The following TACC1 variants were observed in gnomAD, a reference collection of about 807,000 sequenced individuals.
TACC1 encodes the protein transforming acidic coiled-coil containing protein 1.
TACC1 carries 48 observed loss-of-function variants against 84.4 expected under a neutral mutation model. The ratio of observed to expected loss-of-function variants is 0.57; its 90% confidence interval spans 0.45 to 0.72. The LOEUF is 0.72. TACC1 is among the 30% of genes least tolerant of loss of function. The pLI, the probability that TACC1 is intolerant of heterozygous loss-of-function variation, is 0.00. For synonymous variants in TACC1, 372 were observed against 376.3 expected (o/e 0.99, Z 0.13); for missense variants, 920 against 973.0 (o/e 0.95, Z 0.72).
At chr8:38,780,040 A>C (rs1815618568) in intron 3 of TACC1, among the ~76,000 whole-genome samples, 1 of 152,190 alleles carries the variant, frequency 6.6e-6, no homozygotes, top group African/African-American at 2.4e-5. Flanking sequence ...TTTGCCTTTT[A>C]ACTTGAAGGC....
chr8:38,795,620 G>T (rs745990915), intron 2 of TACC1, among the ~76,000 whole-genome samples: 2 of 152,170 alleles, frequency 1.3e-5, no homozygotes, highest in African/African-American at 4.8e-5. Context: ...AAATCTTGGA[G>T]GGTATAAACC....
intron 3 of TACC1, among the ~76,000 whole-genome samples, chr8:38,756,235 T>C (rs1242505066): frequency 6.6e-6 from 1 of 151,888 alleles, no homozygotes; most frequent in Non-Finnish European, 1.5e-5. Context: ...CCATCACCAA[T>C]TGTGAGCGCC....
chr8:38,742,541 C>G, intron 2 of TACC1: 1 of 960,050 alleles, frequency 1.0e-6, no homozygotes, highest in East Asian at 2.7e-5. Context: ...GATATGTAAT[C>G]TTTGTATTTG....
At chr8:38,734,961 A>G (rs1243121036) in intron 1 of TACC1, among the ~76,000 whole-genome samples, 4 of 152,264 alleles carry the variant, frequency 2.6e-5, no homozygotes, top group Admixed American at 6.5e-5. Context: ...GTGTGTCTGC[A>G]TACCACGTGA....
Position 38,851,950 on chromosome 8 carries a change from T to G in TACC1, c.*3927T>G, listed in dbSNP as rs928054109. The stretch of plus-strand genomic sequence containing the variant: ...AAAAAGGTTTGACTGGCCTCCAGAT[T>G]CCAGTTATTTTTAAAAAGCAACTTA... On this transcript the variant is annotated 3_prime_UTR_variant, in exon 13 of 13. Coordinates refer to ENST00000317827, the MANE Select transcript of TACC1 (RefSeq NM_006283.3). The G allele has an allele frequency of 2.2e-6, 1 of 456,102 alleles. No individual in the cohort carries two copies. Among genetic ancestry groups the G allele is most frequent in the Non-Finnish European group, 4.4e-6 (1 of 226,922 alleles). 28.3% of individuals were successfully genotyped at this position (456,102 alleles called of 1,614,324 possible).
intron 1 of TACC1, among the ~76,000 whole-genome samples, chr8:38,731,987 C>T (rs1222982779): frequency 1.3e-5 from 2 of 152,166 alleles, no homozygotes; most frequent in Non-Finnish European, 2.9e-5. Flanking sequence ...TGCCAGGTGC[C>T]TGTAATCTCA....
chr8:38,742,279 G>A (rs371167702), intron 1 of TACC1: 6 of 592,676 alleles, frequency 1.0e-5, no homozygotes, highest in Non-Finnish European at 1.6e-5. Flanking sequence ...TAGGCAAAAG[G>A]TTGGAAACTT....
chr8:38,824,861 T>A (rs1827676285), intron 3 of TACC1: 1 of 160,816 alleles, frequency 6.2e-6, no homozygotes, highest in East Asian at 1.8e-4. Context: ...TTATGAGACG[T>A]CTATGGCTTT....
chr8:38,832,417 A>G lies in TACC1; in HGVS notation c.1713+1240A>G, dbSNP rs562023272. ...AACATATCATATGCTGTGACCTTTT[A>G]AAAGCAACTCCTTTTGAACTTCCCA... On this transcript the variant is annotated intron_variant, in intron 6 of 12. Transcript: ENST00000317827. 4.6e-5 allele frequency among the ~76,000 whole-genome samples: 7 copies of G among 152,370 alleles called. No individual in the cohort carries two copies. The South Asian group carries it at 1.2e-3, about 27-fold the overall frequency.
At chr8:38,846,262 T>A (rs1427869105) in intron 11 of TACC1, 1 of 117,464 alleles carries the variant, frequency 8.5e-6, no homozygotes, top group Non-Finnish European at 1.6e-5. Flanking sequence ...CCAGCCTGGG[T>A]GACAGAGCGA....
At chr8:38,782,537 G>A (rs1816242470), upstream of TACC1, among the ~76,000 whole-genome samples, 1 of 152,204 alleles carries the variant, frequency 6.6e-6, no homozygotes, top group Non-Finnish European at 1.5e-5. Context: ...TATATACCCA[G>A]TAATGGGACG....
intron 2 of TACC1, among the ~76,000 whole-genome samples, chr8:38,800,058 G>C (rs1164633745): frequency 6.6e-6 from 1 of 152,212 alleles, no homozygotes; most frequent in Non-Finnish European, 1.5e-5. Flanking sequence ...CTGCTCAGAA[G>C]GCTAAGGTGG....
chr8:38,783,110 A>C (rs7824158), upstream of TACC1, among the ~76,000 whole-genome samples: 8,830 of 92,830 alleles, frequency 0.095, 280 homozygotes, highest in Middle Eastern at 0.12. Flanking sequence ...ATCTATCTAT[A>C]TATATATATA....
intron 3 of TACC1, among the ~76,000 whole-genome samples, chr8:38,751,820 G>T (rs1461891729): frequency 6.6e-6 from 1 of 151,958 alleles, no homozygotes; most frequent in Non-Finnish European, 1.5e-5. Flanking sequence ...TATTTCTGAG[G>T]TATGCCTGTA....
upstream of TACC1, among the ~76,000 whole-genome samples, chr8:38,783,149 C>T (rs1816469710): frequency 1.3e-5 from 2 of 149,406 alleles, no homozygotes. Flanking sequence ...CCCAGCTTCT[C>T]TGAAAGCTGA....
In TACC1 at chr8:38,741,373, G is replaced by T. The variant is rs190961092; in HGVS notation, c.-674-978G>T. On this transcript the variant is annotated intron_variant, in intron 1 of 14. Coordinates refer to the TACC1 transcript ENST00000518415. Reference sequence around the variant, plus strand: ...GGGGTTTCACCATGTTGGCCAGGCTGGTCTCAAACTCCTGACCTCGGGTGA... The same window carrying T: ...GGGGTTTCACCATGTTGGCCAGGCTTGTCTCAAACTCCTGACCTCGGGTGA... 2.8e-3 allele frequency among the ~76,000 whole-genome samples: 427 copies of T among 152,198 alleles called. 3 individuals carry two copies. Among genetic ancestry groups the T allele is most frequent in the Non-Finnish European group, 3.7e-3 (249 of 68,014 alleles).
At chr8:38,747,517 T>C (rs771809482) in intron 3 of TACC1, among the ~76,000 whole-genome samples, 1 of 152,158 alleles carries the variant, frequency 6.6e-6, no homozygotes, top group Non-Finnish European at 1.5e-5. Context: ...TATTATTCAG[T>C]GTTAAAAAGA....
chr8:38,746,021 T>C (rs1808028010), intron 3 of TACC1, among the ~76,000 whole-genome samples: 1 of 152,202 alleles, frequency 6.6e-6, no homozygotes, highest in South Asian at 2.1e-4. Flanking sequence ...CTTGCTATGT[T>C]GCCTAGGCTG....
intron 3 of TACC1, among the ~76,000 whole-genome samples, chr8:38,756,092 G>C (rs1809988091): frequency 6.6e-6 from 1 of 152,128 alleles, no homozygotes; most frequent in South Asian, 2.1e-4. Context: ...GGGATTACAG[G>C]TGTGAGCCAC....
Sources: allele counts gnomAD v4.1 joint callset (sites outside exome capture counted in the v4.1 genomes callset), GRCh38; gene constraint gnomAD v4.1.1; transcripts MANE v1.5; gene names NCBI Gene and HGNC (gene_info 2026-07-23, HGNC 2026-07-21).